The following NID2 variants were observed in gnomAD, a reference collection of about 807,000 sequenced individuals.
The protein encoded by NID2 is nidogen-2.
In NID2, 83 loss-of-function variants were observed where a neutral mutation model predicts 145.4. That is an observed-to-expected ratio of 0.57 (90% confidence interval 0.48 to 0.69). NID2 has a LOEUF of 0.69. Ranked by LOEUF, NID2 falls within the 30% of genes least tolerant of loss-of-function variation. The pLI is 0.00. For synonymous variants in NID2, 739 were observed against 701.3 expected, an observed-to-expected ratio of 1.05 and a Z score of -0.85; for missense variants, 1,807 against 1,765.7, an observed-to-expected ratio of 1.02 and a Z score of -0.42.
intron 9 of NID2, among the ~76,000 whole-genome samples, chr14:52,032,804 G>GAAAA (rs3030384): frequency 0.016 from 2,279 of 141,802 alleles, 36 homozygotes; most frequent in Non-Finnish European, 0.023. Flanking sequence ...GGCATTAAAA[G>GAAAA]AAAAAAAAAA....
chr14:52,068,453 C>T (rs1566780069), intron 1 of NID2, among the ~76,000 whole-genome samples: 1 of 152,220 alleles, frequency 6.6e-6, no homozygotes, highest in Non-Finnish European at 1.5e-5. Flanking sequence ...AGGGAACACC[C>T]CAGCTCCGCA....
rs1017701714 is a variant in NID2 at position 52,011,647 on chromosome 14, C to G, written c.3457G>C (p.Glu1153Gln). 15 of 1,614,088 alleles carry G rather than the reference C, an allele frequency of 9.3e-6. No homozygotes were observed. Among genetic ancestry groups the G allele is most frequent in the Non-Finnish European group, 1.1e-5 (13 of 1,180,036 alleles). Residue 1153 changes from glutamate to glutamine, a missense_variant, in exon 17 of 22, where the codon GAG (glutamate) becomes CAG (glutamine). Coordinates refer to ENST00000216286, the MANE Select transcript of NID2 (RefSeq NM_007361.4). ...ACATCTGTCCAGTACACCATCCTCT[C>G]CCGGCAGTCGTAATCAATTCCCACG... ...IIVGIDYDCR[E>Q]RMVYWTDVAG...
At chr14:52,016,164 T>C (rs930441743) in intron 14 of NID2, among the ~76,000 whole-genome samples, 1 of 152,204 alleles carries the variant, frequency 6.6e-6, no homozygotes, top group Non-Finnish European at 1.5e-5. Context: ...CACAGTGCCA[T>C]TGAGGCTTTG....
intron 20 of NID2, 77 bp from the exon 21 acceptor site, chr14:52,005,926 G>A (rs1890761309): frequency 1.8e-6 from 2 of 1,131,552 alleles, no homozygotes; most frequent in Non-Finnish European, 2.7e-6. Context: ...CAGAAAATCA[G>A]TTGCAATAGA....
intron 2 of NID2, among the ~76,000 whole-genome samples, chr14:52,060,585 T>C (rs893506047): frequency 2.0e-5 from 3 of 152,230 alleles, no homozygotes; most frequent in African/African-American, 7.2e-5. Context: ...GCAAATACCA[T>C]TTGTCAATTT....
intron 2 of NID2, among the ~76,000 whole-genome samples, chr14:52,063,046 C>T (rs537988028): frequency 2.0e-5 from 3 of 152,208 alleles, no homozygotes; most frequent in Non-Finnish European, 2.9e-5. Context: ...GCCACCCACA[C>T]ACTAAATGAT....
In NID2 at chr14:52,042,287, T is replaced by G. The variant is rs767180635; in HGVS notation, c.1643A>C (p.His548Pro). ...CGCATGCAGGTCCACATCAGTGAAG[T>G]GCACGGGTGTATGGCCCACGTGGAG... ...GHLHVGHTPVHFTDVDLHAYI... is the reference protein window; with the variant it reads ...GHLHVGHTPVPFTDVDLHAYI... Residue 548 changes from histidine (H) to proline (P), a missense_variant, in exon 7 of 22, where the codon CAC (histidine) becomes CCC (proline). Physicochemically the swap from His to Pro is moderately conservative, Grantham distance 77. Transcript: ENST00000216286. 3 of 1,614,176 alleles carry G rather than the reference T, an allele frequency of 1.9e-6. No homozygotes were observed. Among genetic ancestry groups the G allele is most frequent in the Non-Finnish European group, 2.5e-6 (3 of 1,180,008 alleles).
At chr14:52,058,062 G>A (rs893396009) in intron 3 of NID2, among the ~76,000 whole-genome samples, 2 of 152,172 alleles carry the variant, frequency 1.3e-5, no homozygotes, top group Non-Finnish European at 2.9e-5. Context: ...AGGGAGAAAC[G>A]AGAATGTGAG....
chr14:52,065,312 C>T (rs919180010), intron 2 of NID2, among the ~76,000 whole-genome samples: 4 of 152,066 alleles, frequency 2.6e-5, no homozygotes, highest in Non-Finnish European at 5.9e-5. Flanking sequence ...GTCCTTCAAG[C>T]AAATTAGATT....
At chr14:52,008,126 C>CAT (rs1890865890) in intron 18 of NID2, 159 bp from the exon 19 acceptor site, 8 of 595,020 alleles carry the variant, frequency 1.3e-5, no homozygotes, top group Non-Finnish European at 2.3e-5. Flanking sequence ...TCTTCTAGTG[C>CAT]ATAGAGTATA....
intron 7 of NID2, 102 bp from the exon 8 acceptor site, chr14:52,040,953 G>T: frequency 2.0e-6 from 2 of 992,514 alleles, no homozygotes; most frequent in Non-Finnish European, 3.2e-6. Context: ...GTTGGAGATC[G>T]TGCCTAAGGA....
At chr14:52,007,461 A>G (rs1449970631) in intron 19 of NID2, 2 of 273,880 alleles carry the variant, frequency 7.3e-6, no homozygotes, top group Non-Finnish European at 1.4e-5. Context: ...GCATTATAAC[A>G]GATGTTTATA....
chr14:52,060,253 T>C lies in NID2; in HGVS notation c.638A>G (p.Glu213Gly), dbSNP rs1307981464. 15 of 1,613,552 alleles carry C rather than the reference T, an allele frequency of 9.3e-6. No homozygotes were observed. The highest frequency in any genetic ancestry group is 1.3e-5 in the African/African-American group (1 of 74,756). Residue 213 changes from glutamate to glycine, a missense_variant, in exon 3 of 22, where the codon GAG (glutamate) becomes GGG (glycine). Coordinates refer to ENST00000216286, the MANE Select transcript of NID2 (RefSeq NM_007361.4). ...GLQFLGTRPK[E>G]SYNVQLQLPA... is the part of the protein sequence containing the mutation. Reference sequence around the variant, plus strand: ...AAGCTGAAGCTGGACATTGTAAGACTCTTTGGGGCGGGTTCCAAGGAACTG... The same window carrying C: ...AAGCTGAAGCTGGACATTGTAAGACCCTTTGGGGCGGGTTCCAAGGAACTG...
intron 8 of NID2, 35 bp downstream of exon 8, chr14:52,040,616 C>G (rs74049361): frequency 0.041 from 63,808 of 1,572,738 alleles, 1,456 homozygotes; most frequent in African/African-American, 0.06. Context: ...GGGCATAATC[C>G]CCATTTTACA....
intron 11 of NID2, among the ~76,000 whole-genome samples, chr14:52,028,158 A>C (rs556603041): frequency 5.1e-4 from 78 of 152,356 alleles, no homozygotes; most frequent in African/African-American, 1.8e-3. Flanking sequence ...CTGGGCCAGA[A>C]ATCCCAACTG....
At position 52,037,171 on chromosome 14, in the gene NID2, C is replaced by A. The variant is rs560518834; in HGVS notation, c.2257+1576G>T. 2.0e-5 allele frequency among the ~76,000 whole-genome samples: 3 copies of A among 152,276 alleles called. No individual in the cohort carries two copies. The South Asian group carries it at 6.2e-4, about 32-fold the overall frequency. The stretch of plus-strand genomic sequence containing the variant: ...GTGAGGTAAAAGGTTCAACTTCATT[C>A]TTTTGTATGTGGTCACTCAGTGGTC... On this transcript the variant is annotated intron_variant, in intron 9 of 21. Coordinates refer to ENST00000216286, the MANE Select transcript of NID2 (RefSeq NM_007361.4).
chr14:52,017,027 C>T (rs1891234256), intron 14 of NID2, among the ~76,000 whole-genome samples: 1 of 152,224 alleles, frequency 6.6e-6, no homozygotes, highest in Non-Finnish European at 1.5e-5. Flanking sequence ...AAGACTCTGA[C>T]TTCTTCAGCC....
intron 18 of NID2, 59 bp downstream of exon 18, chr14:52,010,817 C>A: frequency 6.5e-7 from 1 of 1,550,152 alleles, no homozygotes; most frequent in South Asian, 1.1e-5. Context: ...GTATTTAAAA[C>A]CCAAGGGCTT....
intron 2 of NID2, among the ~76,000 whole-genome samples, chr14:52,064,952 C>G (rs1893136386): frequency 6.6e-6 from 1 of 152,226 alleles, no homozygotes; most frequent in South Asian, 2.1e-4. Flanking sequence ...ACAAAAAGCA[C>G]AGCTAAACAT....
Sources: gnomAD v4.1 joint callset for allele counts (sites outside exome capture counted in the v4.1 genomes callset) on GRCh38, gnomAD v4.1.1 for gene constraint, MANE v1.5 for transcripts, NCBI Gene and HGNC (gene_info 2026-07-23, HGNC 2026-07-21) for gene names.